The following SGCZ variants were observed in gnomAD, a reference collection of about 807,000 sequenced individuals.
The protein encoded by SGCZ is sarcoglycan zeta, also known as zeta-sarcoglycan.
SGCZ carries 40 observed loss-of-function variants against 41.3 expected under a neutral mutation model. The observed-to-expected ratio is 0.97, with a 90% CI of 0.75 to 1.26. SGCZ has a LOEUF of 1.26. Ranked by LOEUF, SGCZ falls within the 50% of genes most tolerant of loss-of-function variation. The probability of loss-of-function intolerance (pLI) is 0.00; values close to 1 mark genes in which losing one functional copy is unlikely to be tolerated. For synonymous variants in SGCZ, 206 were observed against 137.5 expected, an observed-to-expected ratio of 1.50 and a Z score of -3.49; for missense variants, 552 against 369.8, an observed-to-expected ratio of 1.49 and a Z score of -4.04.
chr8:14,397,078 C>A (rs564312955), intron 2 of SGCZ, among the ~76,000 whole-genome samples: 2 of 152,074 alleles, frequency 1.3e-5, no homozygotes, highest in Non-Finnish European at 2.9e-5. Flanking sequence ...TTCCTCTCAA[C>A]GTTACGTAAA....
At chr8:14,719,069 G>A (rs1809795614) in intron 1 of SGCZ, among the ~76,000 whole-genome samples, 1 of 135,450 alleles carries the variant, frequency 7.4e-6, no homozygotes, top group East Asian at 2.2e-4. Context: ...TGTTCTCATT[G>A]TTCAACTCCC....
At chr8:14,983,985 C>A (rs558339262) in intron 1 of SGCZ, among the ~76,000 whole-genome samples, 1 of 152,266 alleles carries the variant, frequency 6.6e-6, no homozygotes, top group African/African-American at 2.4e-5. Flanking sequence ...TATACCCAAT[C>A]AGTACTTAAC....
chr8:14,618,278 G>C (rs1003090157), intron 1 of SGCZ, among the ~76,000 whole-genome samples: 1 of 152,170 alleles, frequency 6.6e-6, no homozygotes, highest in Non-Finnish European at 1.5e-5. Flanking sequence ...AAATAGAGCA[G>C]AATTAATTTG....
intron 3 of SGCZ, among the ~76,000 whole-genome samples, chr8:14,294,485 C>T (rs1427013): frequency 0.21 from 32,031 of 151,622 alleles, 3,602 homozygotes; most frequent in East Asian, 0.29. Flanking sequence ...AACATTGCTG[C>T]GATCTTATCT....
chr8:14,144,067 C>A, intron 5 of SGCZ, among the ~76,000 whole-genome samples: 1 of 152,228 alleles, frequency 6.6e-6, no homozygotes, highest in African/African-American at 2.4e-5. Context: ...TGAGGACTTG[C>A]CAACTCTTGG....
intron 1 of SGCZ, among the ~76,000 whole-genome samples, chr8:14,758,225 G>C (rs186986139): frequency 6.6e-6 from 1 of 152,130 alleles, no homozygotes; most frequent in Admixed American, 6.6e-5. Context: ...CAGTGTTGTC[G>C]AATTCACATC....
chr8:14,300,638 T>C (rs1404415849), intron 3 of SGCZ, among the ~76,000 whole-genome samples: 2 of 152,112 alleles, frequency 1.3e-5, no homozygotes, highest in East Asian at 1.9e-4. Flanking sequence ...CAATAAGTAA[T>C]CGCTGGGTGG....
At chr8:14,501,875 A>G (rs2126323) in intron 2 of SGCZ, among the ~76,000 whole-genome samples, 39,014 of 151,996 alleles carry the variant, frequency 0.26, 5,031 homozygotes, top group Admixed American at 0.29. Context: ...TGCCAATATA[A>G]TATCTTTTTA....
At chr8:14,406,863 T>C (rs1459002111) in intron 2 of SGCZ, among the ~76,000 whole-genome samples, 6 of 152,098 alleles carry the variant, frequency 3.9e-5, no homozygotes, top group Non-Finnish European at 8.8e-5. Context: ...AAACTGCGTA[T>C]AGGGTAGCCT....
chr8:14,687,089 A>T lies in SGCZ; in HGVS notation c.40-132163T>A, dbSNP rs539814106. On this transcript the variant is annotated intron_variant, in intron 1 of 7. Transcript: ENST00000382080. ...TTTGAAGATTTGTACATTTTACATT[A>T]TTTCAGTGGCCATAAATGTAATTAT... is the stretch of plus-strand genomic sequence containing the variant. Among the ~76,000 whole-genome samples the T allele has an allele frequency of 4.0e-5, 6 of 150,834 alleles. No homozygotes were observed. The South Asian group carries it at 1.3e-3, about 31-fold the overall frequency.
intron 1 of SGCZ, among the ~76,000 whole-genome samples, chr8:14,894,021 G>T (rs951871958): frequency 1.3e-5 from 2 of 152,014 alleles, no homozygotes; most frequent in African/African-American, 4.8e-5. Flanking sequence ...CTGGTGAATG[G>T]CTTTTTTCCT....
intron 1 of SGCZ, among the ~76,000 whole-genome samples, chr8:15,026,907 G>A (rs1209490426): frequency 6.6e-6 from 1 of 152,132 alleles, no homozygotes; most frequent in African/African-American, 2.4e-5. Flanking sequence ...AGTCCCTTCT[G>A]TTTACTCAGC....
intron 5 of SGCZ, among the ~76,000 whole-genome samples, chr8:14,147,060 G>T (rs929805302): frequency 1.3e-5 from 2 of 151,542 alleles, no homozygotes; most frequent in Non-Finnish European, 2.9e-5. Context: ...AAAATAATGG[G>T]TTATAAAATA....
Position 14,593,785 on chromosome 8 carries a change from G to T in SGCZ, c.40-38859C>A, listed in dbSNP as rs536391269. 3.3e-5 allele frequency among the ~76,000 whole-genome samples: 5 copies of T among 152,246 alleles called. 1 individual carries two copies. The highest frequency in any genetic ancestry group is 1.2e-4 in the African/African-American group (5 of 41,544). On this transcript the variant is annotated intron_variant, in intron 1 of 7. Transcript: ENST00000382080. The stretch of plus-strand genomic sequence containing the variant: ...TTATCCCTAGACTGCTTCCCTAAGG[G>T]AATAGACTGAATTTGGTTGAAAGGG...
intron 2 of SGCZ, among the ~76,000 whole-genome samples, chr8:14,466,299 G>T (rs529893480): frequency 6.6e-6 from 1 of 151,908 alleles, no homozygotes; most frequent in Admixed American, 6.6e-5. Context: ...TCTGCTCAAT[G>T]CGTTGTGGTT....
chr8:14,810,639 G>C (rs200910449), intron 1 of SGCZ, among the ~76,000 whole-genome samples: 1 of 151,976 alleles, frequency 6.6e-6, no homozygotes, highest in Non-Finnish European at 1.5e-5. Context: ...TATTGCACTG[G>C]AGATGGCTAC....
intron 1 of SGCZ, among the ~76,000 whole-genome samples, chr8:14,712,850 A>G (rs775223372): frequency 6.6e-6 from 1 of 151,918 alleles, no homozygotes; most frequent in Admixed American, 6.6e-5. Flanking sequence ...TGGGTTTTCT[A>G]TTGTGTTGCC....
intron 1 of SGCZ, among the ~76,000 whole-genome samples, chr8:14,817,574 A>T (rs1388275218): frequency 6.6e-6 from 1 of 152,150 alleles, no homozygotes; most frequent in African/African-American, 2.4e-5. Flanking sequence ...CACCATTGTC[A>T]CTATACCACA....
intron 1 of SGCZ, among the ~76,000 whole-genome samples, chr8:15,170,935 C>G (rs993164669): frequency 6.6e-6 from 1 of 152,056 alleles, no homozygotes; most frequent in African/African-American, 2.4e-5. Flanking sequence ...ATAAAAATTA[C>G]AAAATTTAGA....
Sources: gnomAD v4.1 joint callset for allele counts (sites outside exome capture counted in the v4.1 genomes callset) on GRCh38, gnomAD v4.1.1 for gene constraint, MANE v1.5 for transcripts, NCBI Gene and HGNC (gene_info 2026-07-23, HGNC 2026-07-21) for gene names.